The following SLC26A8 variants were observed in gnomAD, a reference collection of about 807,000 sequenced individuals.
The protein encoded by SLC26A8 is solute carrier family 26 member 8.
A neutral mutation model predicts 105.0 loss-of-function variants in SLC26A8; 70 were observed. The observed-to-expected ratio is 0.67, with a 90% CI of 0.55 to 0.81. The LOEUF is 0.81. Ranked by LOEUF, SLC26A8 falls within the 40% of genes least tolerant of loss-of-function variation. The pLI, the probability that SLC26A8 is intolerant of heterozygous loss-of-function variation, is 0.00. For missense variants in SLC26A8, 998 were observed against 1,181.8 expected (o/e 0.84, Z 2.28); for synonymous variants, 415 against 438.3 (o/e 0.95, Z 0.66).
In SLC26A8 at chr6:35,951,156, G is replaced by C. The variant is rs569040036; in HGVS notation, c.2472+7C>G. 1 of 1,461,012 alleles carries C rather than the reference G, an allele frequency of 6.8e-7. No homozygotes were observed. Among genetic ancestry groups the C allele is most frequent in the Non-Finnish European group, 9.2e-7 (1 of 1,091,088 alleles). 90.5% of individuals were successfully genotyped at this position (1,461,012 alleles called of 1,614,324 possible). A position where few individuals can be genotyped will look rare whatever the true frequency, so the allele number is the denominator to read the frequency against. Reference sequence around the variant, plus strand: ...CCCCAACCTCATGCTTTGTCGGTTTGTCTGACCTTGTCTGTTTCTGAGTAG... The same window carrying C: ...CCCCAACCTCATGCTTTGTCGGTTTCTCTGACCTTGTCTGTTTCTGAGTAG... On this transcript the variant is annotated splice_region_variant and intron_variant, in intron 19 of 19. Transcript: ENST00000490799.
intron 17 of SLC26A8, among the ~76,000 whole-genome samples, chr6:35,952,276 G>T (rs757572772): frequency 6.6e-6 from 1 of 152,256 alleles, no homozygotes; most frequent in Admixed American, 6.5e-5. Context: ...GCTCAGAGAC[G>T]CTCAAGTGAT....
At chr6:35,967,851 TTTTA>T (rs754118191) in intron 11 of SLC26A8, among the ~76,000 whole-genome samples, 11 of 152,100 alleles carry the variant, frequency 7.2e-5, no homozygotes, top group African/African-American at 2.4e-4. Context: ...AATAACTTAA[TTTTA>T]TTTATTTATT....
intron 2 of SLC26A8, 26 bp from the exon 3 acceptor site, chr6:36,012,398 G>T (rs559685528): frequency 3.9e-6 from 6 of 1,545,306 alleles, no homozygotes; most frequent in East Asian, 4.7e-5. Flanking sequence ...GCAGAGACTT[G>T]GTTAGTTTCT....
chr6:35,959,935 G>T, intron 14 of SLC26A8, 129 bp from the exon 15 acceptor site: 1 of 735,046 alleles, frequency 1.4e-6, no homozygotes, highest in African/African-American at 1.9e-5. Context: ...TTGAGACAGA[G>T]TCTCACTCTG....
intron 3 of SLC26A8, among the ~76,000 whole-genome samples, chr6:36,003,444 G>A (rs1761584119): frequency 6.6e-6 from 1 of 152,214 alleles, no homozygotes; most frequent in Non-Finnish European, 1.5e-5. Flanking sequence ...TTTAGTAATA[G>A]TTTTGGTAAT....
At chr6:35,998,499 G>C (rs1761422814) in intron 4 of SLC26A8, among the ~76,000 whole-genome samples, 1 of 151,198 alleles carries the variant, frequency 6.6e-6, no homozygotes, top group African/African-American at 2.4e-5. Flanking sequence ...AGGTTGCAGT[G>C]AGTCGAGATG....
chr6:35,992,434 C>T, intron 6 of SLC26A8, 76 bp downstream of exon 6: 2 of 1,481,686 alleles, frequency 1.3e-6, no homozygotes, highest in Non-Finnish European at 1.8e-6. Context: ...CGGGAGTCTC[C>T]CTACTGAGCT....
At chr6:36,005,906 T>G (rs1761671495) in intron 3 of SLC26A8, among the ~76,000 whole-genome samples, 1 of 152,238 alleles carries the variant, frequency 6.6e-6, no homozygotes, top group African/African-American at 2.4e-5. Flanking sequence ...GGAATTCTAC[T>G]GTAAGGAAGA....
chr6:35,989,101 A>G (rs971843960), intron 7 of SLC26A8, among the ~76,000 whole-genome samples: 2 of 152,052 alleles, frequency 1.3e-5, no homozygotes, highest in Non-Finnish European at 1.5e-5. Context: ...CGGCCTCCCA[A>G]AGTGCTGGGA....
intron 17 of SLC26A8, among the ~76,000 whole-genome samples, chr6:35,954,597 G>A (rs547261622): frequency 6.6e-6 from 1 of 152,294 alleles, no homozygotes; most frequent in African/African-American, 2.4e-5. Flanking sequence ...CATTTCTTGA[G>A]AAATAATAAT....
Position 35,988,207 on chromosome 6 carries a change from G to A in SLC26A8, c.942+3452C>T, listed in dbSNP as rs554629203. Among the ~76,000 whole-genome samples, 7 of 152,110 alleles carry A rather than the reference G, an allele frequency of 4.6e-5. No individual in the cohort carries two copies. In the South Asian group the frequency reaches 6.2e-4, roughly 14 times the overall value. ...ATTATAGGCGTGAGCCACCGTGCCCGGCCCCGAATTCAGCAATCTTAAAAT... is the reference window on the plus strand; with the variant it reads ...ATTATAGGCGTGAGCCACCGTGCCCAGCCCCGAATTCAGCAATCTTAAAAT... On this transcript the variant is annotated intron_variant, in intron 7 of 19. Coordinates refer to ENST00000490799, the MANE Select transcript of SLC26A8 (RefSeq NM_052961.4).
intron 10 of SLC26A8, among the ~76,000 whole-genome samples, chr6:35,970,095 G>A (rs1345336416): frequency 6.6e-6 from 1 of 152,100 alleles, no homozygotes; most frequent in Admixed American, 6.6e-5. Flanking sequence ...CACTGCGATG[G>A]GAATAGGGGA....
intron 17 of SLC26A8, chr6:35,954,676 G>A (rs1771989289): frequency 5.9e-6 from 1 of 170,008 alleles, no homozygotes; most frequent in African/African-American, 2.4e-5. Flanking sequence ...TGGGCATGGT[G>A]GCTCACGCCT....
Position 35,960,825 on chromosome 6 carries a change from A to G in SLC26A8, c.1638+18T>C. On this transcript the variant is annotated intron_variant, in intron 14 of 19. Coordinates refer to ENST00000490799, the MANE Select transcript of SLC26A8 (RefSeq NM_052961.4). Reference sequence around the variant, plus strand: ...TCTATCCCTTAGGCAGAGAAATGGGACCCATTTGGATTCTTACCTCCCGAT... The same window carrying G: ...TCTATCCCTTAGGCAGAGAAATGGGGCCCATTTGGATTCTTACCTCCCGAT... 1.2e-6 allele frequency: 2 copies of G among 1,611,256 alleles called. No homozygotes were observed. The highest frequency in any genetic ancestry group is 8.5e-7 in the Non-Finnish European group (1 of 1,177,566).
intron 3 of SLC26A8, among the ~76,000 whole-genome samples, chr6:36,007,034 T>C (rs1381822622): frequency 6.6e-6 from 1 of 152,198 alleles, no homozygotes; most frequent in Non-Finnish European, 1.5e-5. Context: ...ACATCATACT[T>C]AGTGGTAAAA....
At chr6:36,001,931 G>T (rs1761535277) in intron 3 of SLC26A8, among the ~76,000 whole-genome samples, 1 of 152,152 alleles carries the variant, frequency 6.6e-6, no homozygotes, top group African/African-American at 2.4e-5. Flanking sequence ...TCGAACCAGA[G>T]GTATGATGAG....
At chr6:35,992,148 A>G (rs1010233497) in intron 6 of SLC26A8, among the ~76,000 whole-genome samples, 3 of 152,318 alleles carry the variant, frequency 2.0e-5, no homozygotes, top group African/African-American at 7.2e-5. Context: ...ACATTTAGGA[A>G]CTACTTAGTC....
intron 3 of SLC26A8, among the ~76,000 whole-genome samples, chr6:36,004,259 T>C (rs945508810): frequency 1.3e-5 from 2 of 151,700 alleles, no homozygotes; most frequent in Non-Finnish European, 2.9e-5. Context: ...GTAGTTTTCA[T>C]AGAGACAGGG....
Position 35,951,274 on chromosome 6 carries a change from G to A in SLC26A8, c.2361C>T (p.Ser787=), listed in dbSNP as rs766426626. The A allele has an allele frequency of 1.2e-5, 19 of 1,613,980 alleles. No homozygotes were observed. The highest frequency in any genetic ancestry group is 4.0e-5 in the African/African-American group (3 of 74,900). Residue 787 remains serine, a synonymous_variant, in exon 19 of 20, where the codon AGC becomes AGT. Transcript: ENST00000490799. The stretch of plus-strand genomic sequence containing the variant: ...AGGCAAACAGCACGGCGTCGTGAAC[G>A]CTGAGGAACAGCTGGGTCTTGGTGA... ...AGITKTQLFL[S]VHDAVLFALS...
Sources: allele counts gnomAD v4.1 joint callset (sites outside exome capture counted in the v4.1 genomes callset), GRCh38; gene constraint gnomAD v4.1.1; transcripts MANE v1.5; gene names NCBI Gene and HGNC (gene_info 2026-07-23, HGNC 2026-07-21).